Variants in ELMO1 observed in about 807,000 individuals in gnomAD.
ELMO1 encodes the protein engulfment and cell motility protein 1.
In ELMO1, 26 loss-of-function variants were observed where a neutral mutation model predicts 98.9. The observed-to-expected ratio is 0.26, with a 90% CI of 0.19 to 0.36. The LOEUF (loss-of-function observed/expected upper bound fraction) is 0.36, where lower values mean the gene tolerates loss of function less well. ELMO1 is among the 10% of genes least tolerant of loss of function. ELMO1 has a pLI of 1.00. For synonymous variants in ELMO1, 346 were observed against 346.0 expected (o/e 1.00, Z 0.00); for missense variants, 627 against 935.2 (o/e 0.67, Z 4.30).
chr7:37,427,009 CT>C (rs1433865705), intron 1 of ELMO1, among the ~76,000 whole-genome samples: 1 of 151,928 alleles, frequency 6.6e-6, no homozygotes, highest in African/African-American at 2.4e-5. Flanking sequence ...GATTCTACGT[CT>C]TTTTTCCCGA....
At chr7:36,888,728 C>T (rs1214382805) in intron 17 of ELMO1, among the ~76,000 whole-genome samples, 1 of 152,222 alleles carries the variant, frequency 6.6e-6, no homozygotes, top group Non-Finnish European at 1.5e-5. Flanking sequence ...TCAAGCCAAA[C>T]AGTCCATAGG....
At chr7:37,200,263 A>G (rs1307431426) in intron 13 of ELMO1, among the ~76,000 whole-genome samples, 7 of 69,582 alleles carry the variant, frequency 1.0e-4, no homozygotes. Context: ...TTTTTTTTGT[A>G]GAGACAAGAG....
intron 17 of ELMO1, among the ~76,000 whole-genome samples, chr7:36,888,718 T>C (rs1805264462): frequency 6.6e-6 from 1 of 152,212 alleles, no homozygotes; most frequent in African/African-American, 2.4e-5. Flanking sequence ...TCTCCTTTCC[T>C]CAAGCCAAAC....
At chr7:37,134,536 G>C (rs1787137966) in intron 13 of ELMO1, among the ~76,000 whole-genome samples, 1 of 143,684 alleles carries the variant, frequency 7.0e-6, no homozygotes, top group Non-Finnish European at 1.5e-5. Context: ...TCCAGCCTGG[G>C]CAACAGGGCA....
At chr7:37,157,717 T>C (rs989910188) in intron 13 of ELMO1, among the ~76,000 whole-genome samples, 2 of 151,998 alleles carry the variant, frequency 1.3e-5, no homozygotes, top group South Asian at 2.1e-4. Flanking sequence ...ATCGTGAAAA[T>C]GGCCATACTG....
At chr7:37,093,604 T>C (rs1452538566) in intron 15 of ELMO1, among the ~76,000 whole-genome samples, 1 of 152,232 alleles carries the variant, frequency 6.6e-6, no homozygotes, top group Non-Finnish European at 1.5e-5. Flanking sequence ...TCTTTCAACA[T>C]AAGGGTGTAT....
At chr7:37,249,052 C>A (rs1043134227) in intron 6 of ELMO1, among the ~76,000 whole-genome samples, 1 of 152,244 alleles carries the variant, frequency 6.6e-6, no homozygotes, top group Non-Finnish European at 1.5e-5. Context: ...CCCTCAGTAA[C>A]GTACATTTCG....
chr7:36,922,706 A>T lies in ELMO1; in HGVS notation c.1438-27689T>A, dbSNP rs145728057. Among the ~76,000 whole-genome samples, 911 of 152,334 alleles carry T rather than the reference A, an allele frequency of 6.0e-3. 3 individuals are homozygous for T. Among genetic ancestry groups the T allele is most frequent in the Non-Finnish European group, 0.01 (682 of 68,024 alleles). ...GGGCATCAAAGGGGCATGGTGGCTG[A>T]GTTCCAGGCAATAGTAAGTGTTCCC... On this transcript the variant is annotated intron_variant, in intron 16 of 21. Coordinates refer to ENST00000310758, the MANE Select transcript of ELMO1 (RefSeq NM_014800.11).
At chr7:37,000,765 C>T (rs970523724) in intron 16 of ELMO1, among the ~76,000 whole-genome samples, 4 of 151,930 alleles carry the variant, frequency 2.6e-5, no homozygotes, top group Non-Finnish European at 4.4e-5. Context: ...AAAGAACAAG[C>T]GCCATTACTG....
chr7:37,025,100 A>C (rs1423545518), intron 15 of ELMO1, among the ~76,000 whole-genome samples: 2 of 152,224 alleles, frequency 1.3e-5, no homozygotes, highest in African/African-American at 2.4e-5. Context: ...AAAACAATCA[A>C]GATGTGCACA....
intron 16 of ELMO1, among the ~76,000 whole-genome samples, chr7:36,966,843 T>C (rs567427946): frequency 6.6e-6 from 1 of 152,358 alleles, no homozygotes; most frequent in South Asian, 2.1e-4. Context: ...AAGAGATGCA[T>C]TAACCATCTG....
At chr7:37,227,571 A>T (rs905354736) in intron 8 of ELMO1, among the ~76,000 whole-genome samples, 2 of 152,106 alleles carry the variant, frequency 1.3e-5, no homozygotes, top group Non-Finnish European at 2.9e-5. Flanking sequence ...TTTTTAGTAG[A>T]GATGGCATTT....
At chr7:37,327,149 C>T (rs559050237) in intron 2 of ELMO1, among the ~76,000 whole-genome samples, 10 of 152,220 alleles carry the variant, frequency 6.6e-5, no homozygotes, top group Non-Finnish European at 1.3e-4. Context: ...TGACTCTAGA[C>T]GCACAGAAGG....
chr7:37,123,081 A>T (rs1294133781), intron 14 of ELMO1, among the ~76,000 whole-genome samples: 1 of 151,722 alleles, frequency 6.6e-6, no homozygotes, highest in East Asian at 1.9e-4. Context: ...TGTTCTTTGA[A>T]ACCAGTGAGA....
chr7:37,197,567 GCA>G (rs1792041515), intron 13 of ELMO1, among the ~76,000 whole-genome samples: 1 of 152,316 alleles, frequency 6.6e-6, no homozygotes, highest in Admixed American at 6.5e-5. Flanking sequence ...TACCACAACA[GCA>G]CACTGTCTCA....
In ELMO1 at chr7:37,392,733, A is replaced by T. The variant is rs192675733; in HGVS notation, c.-73-49970T>A. Among the ~76,000 whole-genome samples the T allele has an allele frequency of 6.6e-5, 10 of 152,360 alleles. No homozygotes were observed. The East Asian group carries it at 1.7e-3, about 26-fold the overall frequency. The stretch of plus-strand genomic sequence containing the variant: ...ATGTTTACCAAATGCTCTCCTGATT[A>T]CAACTCCTTCCCTTGACGTCTGCCT... On this transcript the variant is annotated intron_variant, in intron 1 of 21. Transcript: ENST00000310758.
intron 15 of ELMO1, among the ~76,000 whole-genome samples, chr7:37,092,975 G>A (rs1272256246): frequency 6.7e-6 from 1 of 150,104 alleles, no homozygotes; most frequent in Non-Finnish European, 1.5e-5. Flanking sequence ...CAGATACGCA[G>A]TAGGTGCAAG....
At chr7:37,363,428 C>T (rs1040376281) in intron 1 of ELMO1, among the ~76,000 whole-genome samples, 3 of 152,156 alleles carry the variant, frequency 2.0e-5, no homozygotes, top group African/African-American at 4.8e-5. Flanking sequence ...TTTAACATGG[C>T]CCGCAAAGGC....
At chr7:37,172,308 T>TAA (rs35800288) in intron 13 of ELMO1, among the ~76,000 whole-genome samples, 4 of 147,184 alleles carry the variant, frequency 2.7e-5, no homozygotes, top group East Asian at 4.0e-4. Flanking sequence ...GTGCTTACAT[T>TAA]AAAAAAAAAA....
Sources: gnomAD v4.1 joint callset for allele counts (sites outside exome capture counted in the v4.1 genomes callset) on GRCh38, gnomAD v4.1.1 for gene constraint, MANE v1.5 for transcripts, NCBI Gene and HGNC (gene_info 2026-07-23, HGNC 2026-07-21) for gene names.